PPP1R12A: variants seen among roughly 807,000 people sequenced by gnomAD.
The protein encoded by PPP1R12A is protein phosphatase 1 regulatory subunit 12A.
Under a neutral mutation model 139.6 loss-of-function variants are expected in PPP1R12A, and 19 were observed. That is an observed-to-expected ratio of 0.14 (90% CI 0.09 to 0.20). PPP1R12A has a LOEUF of 0.20. PPP1R12A is among the 10% of genes least tolerant of loss of function. The pLI is 1.00. For synonymous variants in PPP1R12A, 427 were observed against 420.6 expected (o/e 1.02, Z -0.19); for missense variants, 925 against 1,211.5 (o/e 0.76, Z 3.51).
chr12:79,779,206 C>G, intron 23 of PPP1R12A: 1 of 834,842 alleles, frequency 1.2e-6, no homozygotes, highest in Non-Finnish European at 1.7e-6. Flanking sequence ...AGCCAACACA[C>G]AACACATTAT....
intron 2 of PPP1R12A, among the ~76,000 whole-genome samples, chr12:79,856,811 C>T (rs1308392733): frequency 6.6e-6 from 1 of 152,178 alleles, no homozygotes; most frequent in East Asian, 1.9e-4. Flanking sequence ...AAAACACATA[C>T]AAATAACTTT....
chr12:79,810,394 C>A (rs1037151590), intron 9 of PPP1R12A, among the ~76,000 whole-genome samples: 2 of 152,146 alleles, frequency 1.3e-5, no homozygotes, highest in Non-Finnish European at 2.9e-5. Context: ...AAATGCCTCA[C>A]CATAGATTTT....
rs968739619 is a variant in PPP1R12A at position 79,806,443 on chromosome 12, T to C, written c.1656-110A>G. ...CTAGAAAAAAAATTTAAAAACTGTG[T>C]TCCTAAATACACCACCAGCTCCAGC... On this transcript the variant is annotated intron_variant, in intron 12 of 24. Transcript: ENST00000450142. 37 of 974,290 alleles carry C rather than the reference T, an allele frequency of 3.8e-5. 1 individual carries two copies. The Middle Eastern group carries it at 9.9e-4, about 26-fold the overall frequency. 60.4% of individuals were successfully genotyped at this position (974,290 alleles called of 1,614,324 possible).
chr12:79,916,732 G>C (rs1486421608), intron 1 of PPP1R12A, among the ~76,000 whole-genome samples: 1 of 152,146 alleles, frequency 6.6e-6, no homozygotes, highest in Non-Finnish European at 1.5e-5. Flanking sequence ...AAGGTTCAGA[G>C]AAAAGGCAAG....
rs1359347349 is a variant in PPP1R12A at position 79,783,350 on chromosome 12, C to T, written c.2908-1488G>A. Among the ~76,000 whole-genome samples the T allele has an allele frequency of 2.0e-5, 3 of 149,650 alleles. 1 individual carries two copies. Among genetic ancestry groups the T allele is most frequent in the Non-Finnish European group, 4.4e-5 (3 of 67,700 alleles). On this transcript the variant is annotated intron_variant, in intron 22 of 24. Transcript: ENST00000450142. ...CAGGTGTGGTGGCATTGCCTGTAGT[C>T]CTAACTACCTGGGAGGCTAAGGTGG...
intron 2 of PPP1R12A, among the ~76,000 whole-genome samples, chr12:79,870,964 C>T (rs1350862358): frequency 6.6e-6 from 1 of 152,156 alleles, no homozygotes; most frequent in Non-Finnish European, 1.5e-5. Context: ...ACACAGAATA[C>T]AGGGAGGATA....
chr12:79,933,186 A>C (rs1255933514), intron 1 of PPP1R12A, among the ~76,000 whole-genome samples: 2 of 152,234 alleles, frequency 1.3e-5, no homozygotes, highest in Non-Finnish European at 1.5e-5. Flanking sequence ...AAAGCGCTAG[A>C]CACCCTGCTA....
intron 1 of PPP1R12A, among the ~76,000 whole-genome samples, chr12:79,919,868 G>A (rs563929020): frequency 7.9e-5 from 12 of 152,222 alleles, no homozygotes; most frequent in Middle Eastern, 3.4e-3. Context: ...AAATATATAC[G>A]TTCACTTTTT....
chr12:79,923,104 A>T (rs1371816391), intron 1 of PPP1R12A, among the ~76,000 whole-genome samples: 1 of 151,924 alleles, frequency 6.6e-6, no homozygotes, highest in East Asian at 1.9e-4. Flanking sequence ...GTGAAACCCC[A>T]TCTTTACTAA....
chr12:79,898,771 T>G (rs1249860266), intron 1 of PPP1R12A, among the ~76,000 whole-genome samples: 2 of 152,154 alleles, frequency 1.3e-5, no homozygotes, highest in African/African-American at 4.8e-5. Flanking sequence ...TCCCTCCTCC[T>G]ATAATGCCTT....
intron 1 of PPP1R12A, among the ~76,000 whole-genome samples, chr12:79,893,104 C>CAA (rs1241896292): frequency 2.9e-4 from 29 of 98,346 alleles, no homozygotes; most frequent in Non-Finnish European, 4.1e-4. Flanking sequence ...GACTGTGTCT[C>CAA]AAAAAAAAAA....
intron 1 of PPP1R12A, 130 bp from the exon 2 acceptor site, chr12:79,873,068 A>T: frequency 3.9e-6 from 4 of 1,030,442 alleles, no homozygotes; most frequent in Non-Finnish European, 5.5e-6. Flanking sequence ...ATCTGCTGCT[A>T]TCTTGACTAT....
chr12:79,815,745 A>C (rs965192634), intron 9 of PPP1R12A, among the ~76,000 whole-genome samples: 1 of 152,298 alleles, frequency 6.6e-6, no homozygotes, highest in Middle Eastern at 3.4e-3. Flanking sequence ...TTTGCAGACA[A>C]ACTGCTTTTA....
At chr12:79,892,287 C>T (rs1884723643) in intron 1 of PPP1R12A, among the ~76,000 whole-genome samples, 1 of 152,162 alleles carries the variant, frequency 6.6e-6, no homozygotes, top group South Asian at 2.1e-4. Context: ...CACTAGACCA[C>T]CCTCCATTTC....
chr12:79,883,767 A>G (rs866024954), intron 1 of PPP1R12A, among the ~76,000 whole-genome samples: 2 of 151,854 alleles, frequency 1.3e-5, no homozygotes, highest in African/African-American at 4.8e-5. Context: ...AACAGTAAGG[A>G]AAGGGGTAAG....
intron 1 of PPP1R12A, among the ~76,000 whole-genome samples, chr12:79,892,520 C>T (rs955983730): frequency 6.6e-6 from 1 of 152,128 alleles, no homozygotes; most frequent in South Asian, 2.1e-4. Context: ...AACTTTTATA[C>T]ATTTGCATTG....
chr12:79,777,468 T>C (rs1225971012), intron 24 of PPP1R12A: 1 of 985,148 alleles, frequency 1.0e-6, no homozygotes, highest in East Asian at 1.1e-4. Flanking sequence ...CGCCTACTAA[T>C]ATAAAAACAC....
intron 1 of PPP1R12A, among the ~76,000 whole-genome samples, chr12:79,876,937 G>A (rs1883164356): frequency 6.6e-6 from 1 of 152,032 alleles, no homozygotes; most frequent in Non-Finnish European, 1.5e-5. Flanking sequence ...CTTGACCCCG[G>A]GAGGCAGAGG....
At chr12:79,879,365 CA>C (rs544709802) in intron 1 of PPP1R12A, among the ~76,000 whole-genome samples, 6 of 145,228 alleles carry the variant, frequency 4.1e-5, no homozygotes, top group Admixed American at 6.9e-5. Context: ...AAGACTGTCT[CA>C]AAAAAAAAAG....
Sources: gnomAD v4.1 joint callset for allele counts (sites outside exome capture counted in the v4.1 genomes callset) on GRCh38, gnomAD v4.1.1 for gene constraint, MANE v1.5 for transcripts, NCBI Gene and HGNC (gene_info 2026-07-23, HGNC 2026-07-21) for gene names.